The following SLC35F3 variants were observed in gnomAD, a reference collection of about 807,000 sequenced individuals.
The protein encoded by SLC35F3 is putative thiamine transporter SLC35F3.
A neutral mutation model predicts 49.9 loss-of-function variants in SLC35F3; 25 were observed. The ratio of observed to expected loss-of-function variants is 0.50; its 90% CI spans 0.37 to 0.70. SLC35F3 has a LOEUF of 0.70. Ranked by LOEUF, SLC35F3 falls within the 30% of genes least tolerant of loss-of-function variation. SLC35F3 has a pLI of 0.00. For missense variants in SLC35F3, 525 were observed against 639.8 expected (o/e 0.82, Z 1.94); for synonymous variants, 275 against 265.4 (o/e 1.04, Z -0.35).
chr1:234,159,581 AC>A (rs1558245667), intron 2 of SLC35F3, among the ~76,000 whole-genome samples: 1 of 152,104 alleles, frequency 6.6e-6, no homozygotes, highest in African/African-American at 2.4e-5. Context: ...TGGAGAAGAA[AC>A]TTTTGCCAAT....
chr1:234,140,296 A>T (rs1043777554), intron 2 of SLC35F3, among the ~76,000 whole-genome samples: 6 of 152,208 alleles, frequency 3.9e-5, no homozygotes, highest in African/African-American at 1.2e-4. Flanking sequence ...GCATCATCAC[A>T]TGGAAGAAGG....
chr1:234,096,415 C>T (rs1396244211), intron 2 of SLC35F3, among the ~76,000 whole-genome samples: 2 of 152,174 alleles, frequency 1.3e-5, no homozygotes, highest in African/African-American at 4.8e-5. Flanking sequence ...CTGGCCAACC[C>T]ATGGAACGTG....
Position 234,143,288 on chromosome 1 carries a change from C to CTTTTCTTTTCTTT in SLC35F3, c.284-88125_284-88124insCTTTTCTTTTTTT, listed in dbSNP as rs1478216426. On this transcript the variant is annotated intron_variant, in intron 2 of 7. Transcript: ENST00000366618. ...GAGTTTGACTCTTTTCTTTTCTTTT[C>CTTTTCTTTTCTTT]TTTTTTTTTTTTTTTTTGAGATAAA... 5.1e-3 allele frequency among the ~76,000 whole-genome samples: 631 copies of CTTTTCTTTTCTTT among 123,508 alleles called. 50 individuals are homozygous for CTTTTCTTTTCTTT. In the East Asian group the frequency reaches 0.16, roughly 32 times the overall value. The allele number at this position is 123,508 out of a possible 152,430, so 81.0% of individuals were successfully genotyped here. A position where few individuals can be genotyped will look rare whatever the true frequency, so the allele number is the denominator to read the frequency against.
intron 2 of SLC35F3, among the ~76,000 whole-genome samples, chr1:233,941,828 C>A (rs766852064): frequency 6.6e-6 from 1 of 152,120 alleles, no homozygotes; most frequent in Admixed American, 6.5e-5. Flanking sequence ...GAAAACTGCA[C>A]CCATTTAATG....
intron 2 of SLC35F3, among the ~76,000 whole-genome samples, chr1:233,960,241 C>T (rs368429220): frequency 6.6e-6 from 1 of 152,218 alleles, no homozygotes; most frequent in Non-Finnish European, 1.5e-5. Context: ...CAGCTGTACC[C>T]TCATTTCTGC....
At chr1:234,138,263 G>T (rs12031833) in intron 2 of SLC35F3, among the ~76,000 whole-genome samples, 1 of 152,226 alleles carries the variant, frequency 6.6e-6, no homozygotes, top group East Asian at 1.9e-4. Context: ...AGAAGTTGTG[G>T]TGAGGATTAA....
intron 2 of SLC35F3, among the ~76,000 whole-genome samples, chr1:234,069,868 C>T (rs1359614705): frequency 2.0e-5 from 3 of 152,156 alleles, no homozygotes; most frequent in East Asian, 1.9e-4. Context: ...CCACCAGTCT[C>T]GTACTGCCCA....
intron 2 of SLC35F3, among the ~76,000 whole-genome samples, chr1:234,024,701 A>T (rs1288416722): frequency 6.6e-6 from 1 of 152,128 alleles, no homozygotes; most frequent in East Asian, 1.9e-4. Context: ...TAACTCATTG[A>T]TCCATTAATC....
At chr1:234,120,526 A>C (rs1028937546) in intron 2 of SLC35F3, among the ~76,000 whole-genome samples, 3 of 152,228 alleles carry the variant, frequency 2.0e-5, no homozygotes, top group Non-Finnish European at 4.4e-5. Flanking sequence ...CAGTATGGCC[A>C]AGCATTCAAG....
intron 2 of SLC35F3, among the ~76,000 whole-genome samples, chr1:234,221,333 G>A (rs1032049330): frequency 2.0e-5 from 3 of 152,148 alleles, no homozygotes; most frequent in African/African-American, 7.2e-5. Flanking sequence ...AGGTTGCCCC[G>A]AAAGAAAGAT....
At chr1:234,051,941 T>C (rs1664383969) in intron 2 of SLC35F3, among the ~76,000 whole-genome samples, 1 of 152,176 alleles carries the variant, frequency 6.6e-6, no homozygotes, top group African/African-American at 2.4e-5. Context: ...ATGGATTACG[T>C]TTATTGATTT....
rs1234641832 is a variant in SLC35F3 at position 233,905,764 on chromosome 1, AC to A, written c.283+11del. The A allele has an allele frequency of 1.9e-6, 3 of 1,601,576 alleles. No individual in the cohort carries two copies. The South Asian group carries it at 3.3e-5, about 18-fold the overall frequency. On this transcript the variant is annotated splice_region_variant and intron_variant, in intron 2 of 7. Coordinates refer to ENST00000366618, the MANE Select transcript of SLC35F3 (RefSeq NM_173508.4). ...CTGGGCAGCGAGCTGCAAAAGTAAG[AC>A]CCCCTCACGTCATGTTTCCCGTTCA...
intron 2 of SLC35F3, among the ~76,000 whole-genome samples, chr1:233,946,128 A>G (rs537612488): frequency 1.3e-5 from 2 of 152,342 alleles, no homozygotes; most frequent in African/African-American, 4.8e-5. Context: ...AAATACTGCA[A>G]CTGACCAGGA....
intron 2 of SLC35F3, among the ~76,000 whole-genome samples, chr1:234,173,609 A>G (rs1348028989): frequency 1.3e-5 from 2 of 152,234 alleles, no homozygotes; most frequent in East Asian, 3.8e-4. Flanking sequence ...GCATGGTTCC[A>G]GATTCAGGCA....
chr1:234,190,165 A>T (rs1021234188), intron 2 of SLC35F3, among the ~76,000 whole-genome samples: 1 of 152,162 alleles, frequency 6.6e-6, no homozygotes, highest in African/African-American at 2.4e-5. Flanking sequence ...ACACAAAAAA[A>T]CCGAGGTATT....
At chr1:234,008,338 A>G (rs1230767866) in intron 2 of SLC35F3, among the ~76,000 whole-genome samples, 1 of 152,182 alleles carries the variant, frequency 6.6e-6, no homozygotes, top group South Asian at 2.1e-4. Flanking sequence ...ATGATGCACC[A>G]TCATTTGCTT....
At chr1:234,200,163 G>T (rs574362909) in intron 2 of SLC35F3, among the ~76,000 whole-genome samples, 1 of 151,602 alleles carries the variant, frequency 6.6e-6, no homozygotes, top group Non-Finnish European at 1.5e-5. Flanking sequence ...AAATCACTAC[G>T]TCAAAAAAAA....
rs537918466 is a variant in SLC35F3, at chr1:234,163,566, G to C, written c.284-67851G>C. ...AACAAATGGTGAGTGAGAGGGCCCA[G>C]CTTGCCATGCCTGAGGGAACTGCAG... On this transcript the variant is annotated intron_variant, in intron 2 of 7. Coordinates refer to ENST00000366618, the MANE Select transcript of SLC35F3 (RefSeq NM_173508.4). 2.8e-4 allele frequency among the ~76,000 whole-genome samples: 43 copies of C among 152,316 alleles called. 1 individual carries two copies. The South Asian group carries it at 7.9e-3, about 28-fold the overall frequency.
chr1:234,150,440 G>A (rs953378415), intron 2 of SLC35F3, among the ~76,000 whole-genome samples: 41 of 152,158 alleles, frequency 2.7e-4, no homozygotes, highest in African/African-American at 9.2e-4. Flanking sequence ...TGTCAGGTCT[G>A]TGTGTCTGTA....
Sources: gnomAD v4.1 joint callset for allele counts (sites outside exome capture counted in the v4.1 genomes callset) on GRCh38, gnomAD v4.1.1 for gene constraint, MANE v1.5 for transcripts, NCBI Gene and HGNC (gene_info 2026-07-23, HGNC 2026-07-21) for gene names.